The following CACNB3 variants were observed in gnomAD, a reference collection of about 807,000 sequenced individuals.
The protein encoded by CACNB3 is calcium voltage-gated channel auxiliary subunit beta 3.
In CACNB3, 36 loss-of-function variants were observed where a neutral mutation model predicts 63.7. The ratio of observed to expected loss-of-function variants is 0.57; its 90% CI spans 0.43 to 0.75. The LOEUF is 0.75. Among genes scored for constraint, CACNB3 ranks in the 30% least tolerant of loss-of-function variants. CACNB3 has a pLI of 0.00. For missense variants in CACNB3, 493 were observed against 648.6 expected (o/e 0.76, Z 2.61); for synonymous variants, 241 against 250.6 (o/e 0.96, Z 0.36).
chr12:48,828,803 A>G lies in CACNB3; in HGVS notation c.*904A>G. 1 of 456,192 alleles carries G rather than the reference A, an allele frequency of 2.2e-6. No individual in the cohort carries two copies. The highest frequency in any genetic ancestry group is 1.5e-5 in the South Asian group (1 of 64,544). The allele number at this position is 456,192 out of a possible 1,614,324, so 28.3% of individuals were successfully genotyped here. On this transcript the variant is annotated 3_prime_UTR_variant, in exon 13 of 13. Coordinates refer to ENST00000301050, the MANE Select transcript of CACNB3 (RefSeq NM_000725.4). Reference sequence around the variant, plus strand: ...AGCTGCCGCTTGTTAGGTTAGGGTTAGATGGGGAGAGACAGGGCACAGAGG... The same window carrying G: ...AGCTGCCGCTTGTTAGGTTAGGGTTGGATGGGGAGAGACAGGGCACAGAGG...
chr12:48,818,204 C>T (rs1328690237), upstream of CACNB3, among the ~76,000 whole-genome samples: 2 of 152,160 alleles, frequency 1.3e-5, no homozygotes, highest in Non-Finnish European at 2.9e-5. This position sits in a 1 kb window ranked among gnomAD's most constrained non-coding sequence, Gnocchi z 4.3. Context: ...TGGGACCCCT[C>T]CCCCGTCTGC....
rs561403313 is a variant in CACNB3 at position 48,823,475 on chromosome 12, T to A, written c.168+9T>A. On this transcript the variant is annotated intron_variant, in intron 2 of 12. Transcript: ENST00000301050. The surrounding 1 kb of genome is among the most constrained non-coding windows in gnomAD (Gnocchi z 4.2). ...AGCTCGAAAGGGCCAAGGTATACTT[T>A]CTGGGCATGGGGCAAGACAGGAGGC... 3 of 1,613,310 alleles carry A rather than the reference T, an allele frequency of 1.9e-6. No homozygotes were observed. In the East Asian group the frequency reaches 6.7e-5, roughly 36 times the overall value.
At chr12:48,814,685 A>T, upstream of CACNB3, 1 of 947,450 alleles carries the variant, frequency 1.1e-6, no homozygotes, top group Non-Finnish European at 1.5e-6. This position sits in a 1 kb window ranked among gnomAD's most constrained non-coding sequence, Gnocchi z 6.9. Context: ...TGGAGAAAGG[A>T]GGGGGAGAGG....
At chr12:48,817,496 C>G (rs1488585289), upstream of CACNB3, among the ~76,000 whole-genome samples, 2 of 152,178 alleles carry the variant, frequency 1.3e-5, no homozygotes, top group Admixed American at 1.3e-4. Flanking sequence ...TACGCACATC[C>G]TCCTCGTGGG....
rs1565668702 is a variant in CACNB3, at chr12:48,825,272, T to TC, written c.573+30dup. 2 of 1,604,978 alleles carry TC rather than the reference T, an allele frequency of 1.2e-6. No individual in the cohort carries two copies. Among genetic ancestry groups the TC allele is most frequent in the Non-Finnish European group, 1.7e-6 (2 of 1,173,078 alleles). ...AGAGGAGGTCCTTGACCCCAAAGAG[T>TC]CACCTCTACCAAGCCTGCCACAGGA... is the stretch of plus-strand genomic sequence containing the variant. On this transcript the variant is annotated intron_variant, in intron 7 of 12. Coordinates refer to ENST00000301050, the MANE Select transcript of CACNB3 (RefSeq NM_000725.4). This position sits in a 1 kb window ranked among gnomAD's most constrained non-coding sequence, Gnocchi z 4.5.
Position 48,823,488 on chromosome 12 carries a change from C to T in CACNB3, c.168+22C>T, listed in dbSNP as rs757128314. On this transcript the variant is annotated intron_variant, in intron 2 of 12. Transcript: ENST00000301050. This position sits in a 1 kb window ranked among gnomAD's most constrained non-coding sequence, Gnocchi z 4.2. Reference sequence around the variant, plus strand: ...CAAGGTATACTTTCTGGGCATGGGGCAAGACAGGAGGCCAAGCTAGGTGGA... The same window carrying T: ...CAAGGTATACTTTCTGGGCATGGGGTAAGACAGGAGGCCAAGCTAGGTGGA... 6.2e-7 allele frequency: 1 copy of T among 1,611,224 alleles called. No homozygotes were observed.
In CACNB3 at chr12:48,825,344, T is replaced by C. The variant is rs1938070988; in HGVS notation, c.574-90T>C. 1.3e-6 allele frequency: 2 copies of C among 1,567,422 alleles called. No individual in the cohort carries two copies. Among genetic ancestry groups the C allele is most frequent in the South Asian group, 2.2e-5 (2 of 90,042 alleles). ...GGGTGTGTCTCCTCCGTCCAGGGTG[T>C]GTATGTGGAGCGCATTGACTCTGGG... On this transcript the variant is annotated intron_variant, in intron 7 of 12. Transcript: ENST00000301050. This position sits in a 1 kb window ranked among gnomAD's most constrained non-coding sequence, Gnocchi z 4.5.
chr12:48,815,207 C>CCG (rs1379900726), upstream of CACNB3: 2 of 175,748 alleles, frequency 1.1e-5, no homozygotes, highest in Non-Finnish European at 2.4e-5. Context: ...GCAGAAGCTT[C>CCG]CGCCAAGAGC....
chr12:48,823,807 A>C lies in CACNB3; in HGVS notation c.291+4A>C, dbSNP rs1313879168. On this transcript the variant is annotated splice_donor_region_variant and intron_variant, in intron 3 of 12. Coordinates refer to ENST00000301050, the MANE Select transcript of CACNB3 (RefSeq NM_000725.4). The surrounding 1 kb of genome is among the most constrained non-coding windows in gnomAD (Gnocchi z 4.2). ...AGATTTTCTGCACATTAAAGAGGTGATCGACCCCCCTACTTCCAGAAGCCT... is the reference window on the plus strand; with the variant it reads ...AGATTTTCTGCACATTAAAGAGGTGCTCGACCCCCCTACTTCCAGAAGCCT... 3 of 1,613,860 alleles carry C rather than the reference A, an allele frequency of 1.9e-6. No individual in the cohort carries two copies. Among genetic ancestry groups the C allele is most frequent in the Non-Finnish European group, 2.5e-6 (3 of 1,179,972 alleles).
In CACNB3 at chr12:48,827,042, G is replaced by A; in HGVS notation, c.1059G>A (p.Leu353=). 6.2e-7 allele frequency: 1 copy of A among 1,614,068 alleles called. No individual in the cohort carries two copies. The highest frequency in any genetic ancestry group is 8.5e-7 in the Non-Finnish European group (1 of 1,180,038). ...EDACEHLAEY[L]EVYWRATHHP... is the part of the protein sequence containing the mutation. ...CCTGTGAGCACCTGGCTGAGTACCT[G>A]GAGGTTTACTGGCGGGCCACGCACC... The change falls in exon 12 of 13, where the codon CTG becomes CTA. Residue 353 remains leucine (L), a synonymous_variant. Coordinates refer to ENST00000301050, the MANE Select transcript of CACNB3 (RefSeq NM_000725.4).
In CACNB3 at chr12:48,819,056, T is replaced by G. The variant is rs976600263; in HGVS notation, c.45+82T>G. 14 of 1,444,924 alleles carry G rather than the reference T, an allele frequency of 9.7e-6. No homozygotes were observed. The African/African-American group carries it at 2.0e-4, about 20-fold the overall frequency. 89.5% of individuals were successfully genotyped at this position (1,444,924 alleles called of 1,614,324 possible). On this transcript the variant is annotated intron_variant, in intron 1 of 12. Transcript: ENST00000301050. ...TTCAACCCTTTCCCCGGTTCAGGAC[T>G]TTGAAAAACGCCTCAGTGGCAGGGC...
In CACNB3 at chr12:48,818,728, G is replaced by T; in HGVS notation, c.-202G>T. On this transcript the variant is annotated 5_prime_UTR_variant, in exon 1 of 13. Transcript: ENST00000301050. This position sits in a 1 kb window ranked among gnomAD's most constrained non-coding sequence, Gnocchi z 4.3. The stretch of plus-strand genomic sequence containing the variant: ...TGGGACCGGCTGGGTTTGGGGGGGT[G>T]GGGTGGGGGGAGCGGTGATCTGAGC... 1 of 1,289,254 alleles carries T rather than the reference G, an allele frequency of 7.8e-7. No individual in the cohort carries two copies. The highest frequency in any genetic ancestry group is 9.8e-7 in the Non-Finnish European group (1 of 1,019,880). 79.9% of individuals were successfully genotyped at this position (1,289,254 alleles called of 1,614,324 possible). A position where few individuals can be genotyped will look rare whatever the true frequency, so the allele number is the denominator to read the frequency against.
Position 48,823,819 on chromosome 12 carries a change from A to C in CACNB3, c.291+16A>C, listed in dbSNP as rs773959698. 6.8e-6 allele frequency: 11 copies of C among 1,613,674 alleles called. No homozygotes were observed. The highest frequency in any genetic ancestry group is 2.2e-5 in the East Asian group (1 of 44,874). ...CATTAAAGAGGTGATCGACCCCCCT[A>C]CTTCCAGAAGCCTCTAACTTCATTT... On this transcript the variant is annotated intron_variant, in intron 3 of 12. Coordinates refer to ENST00000301050, the MANE Select transcript of CACNB3 (RefSeq NM_000725.4). The surrounding 1 kb of genome is among the most constrained non-coding windows in gnomAD (Gnocchi z 4.2).
chr12:48,828,289 A>C lies in CACNB3; in HGVS notation c.*390A>C. Reference sequence around the variant, plus strand: ...GACAAAAGGGTGGGGTGTGGGCACCATGGCATGAGGAAGAAACAAGGTCCC... The same window carrying C: ...GACAAAAGGGTGGGGTGTGGGCACCCTGGCATGAGGAAGAAACAAGGTCCC... On this transcript the variant is annotated 3_prime_UTR_variant, in exon 13 of 13. Transcript: ENST00000301050. The C allele has an allele frequency of 6.3e-6, 2 of 316,274 alleles. No individual in the cohort carries two copies. Among genetic ancestry groups the C allele is most frequent in the South Asian group, 6.6e-5 (2 of 30,390 alleles). 19.6% of individuals were successfully genotyped at this position (316,274 alleles called of 1,614,324 possible).
chr12:48,819,867 T>TCAGACA (rs1937758440), intron 1 of CACNB3: 2 of 328,716 alleles, frequency 6.1e-6, no homozygotes, highest in Admixed American at 4.0e-5. Flanking sequence ...GCAGGGAGAG[T>TCAGACA]GCCTGGAAAG....
intron 3 of CACNB3, chr12:48,824,019 A>C (rs1425706210): frequency 2.9e-6 from 2 of 684,324 alleles, no homozygotes; most frequent in Admixed American, 5.9e-5. Flanking sequence ...ATGTCTGTCA[A>C]GTGAGCAGTT....
In CACNB3 at chr12:48,818,790, C is replaced by A. The variant is rs959947152; in HGVS notation, c.-140C>A. On this transcript the variant is annotated 5_prime_UTR_variant, in exon 1 of 13. Transcript: ENST00000301050. The surrounding 1 kb of genome is among the most constrained non-coding windows in gnomAD (Gnocchi z 4.3). ...GGTCTTCGCGGCTCGCTCCCTCCTT[C>A]GCGCTCTCTCGCTCCCTGCCGCCGC... 82 of 1,356,558 alleles carry A rather than the reference C, an allele frequency of 6.0e-5. No homozygotes were observed. Among genetic ancestry groups the A allele is most frequent in the Non-Finnish European group, 7.1e-5 (75 of 1,055,136 alleles). The allele number at this position is 1,356,558 out of a possible 1,614,324, so 84.0% of individuals were successfully genotyped here. A position where few individuals can be genotyped will look rare whatever the true frequency, so the allele number is the denominator to read the frequency against.
rs762906151 is a variant in CACNB3 at position 48,825,860 on chromosome 12, G to A, written c.742+91G>A. The A allele has an allele frequency of 7.0e-6, 6 of 854,498 alleles. No homozygotes were observed. Among genetic ancestry groups the A allele is most frequent in the Admixed American group, 4.2e-5 (2 of 48,092 alleles). 52.9% of individuals were successfully genotyped at this position (854,498 alleles called of 1,614,324 possible). A position where few individuals can be genotyped will look rare whatever the true frequency, so the allele number is the denominator to read the frequency against. The stretch of plus-strand genomic sequence containing the variant: ...TTTCTTTTTTTTGAGATGGAGTCTC[G>A]CTCTGTCACCTAGGCTGGAGTGCAG... On this transcript the variant is annotated intron_variant, in intron 9 of 12. Transcript: ENST00000301050. The surrounding 1 kb of genome is among the most constrained non-coding windows in gnomAD (Gnocchi z 4.5).
Position 48,827,814 on chromosome 12 carries a change from A to T in CACNB3, c.1370A>T (p.Asp457Val), listed in dbSNP as rs747607639. Residue 457 changes from aspartate to valine, a missense_variant, in exon 13 of 13, where the codon GAC (aspartate) becomes GTC (valine). Transcript: ENST00000301050. ...AGTGCTAACGGGCATGACCCCCAAG[A>T]CCGGCTTCTAGCCCAGGACTCAGAG... Reference protein sequence around the residue: ...LPSANGHDPQDRLLAQDSEHN... With the variant: ...LPSANGHDPQVRLLAQDSEHN... 6.2e-7 allele frequency: 1 copy of T among 1,614,126 alleles called. No individual in the cohort carries two copies. The highest frequency in any genetic ancestry group is 8.5e-7 in the Non-Finnish European group (1 of 1,180,012).
Sources: gnomAD v4.1 joint callset for allele counts (sites outside exome capture counted in the v4.1 genomes callset) on GRCh38, gnomAD v4.1.1 for gene constraint, Gnocchi (gnomAD v3.1) non-coding constraint, MANE v1.5 for transcripts, NCBI Gene and HGNC (gene_info 2026-07-23, HGNC 2026-07-21) for gene names.